MYOM2: variants seen among roughly 807,000 people sequenced by gnomAD.
MYOM2 encodes the protein myomesin-2.
Under a neutral mutation model 187.6 loss-of-function variants are expected in MYOM2, and 254 were observed. The observed-to-expected ratio is 1.35, with a 90% CI of 1.22 to 1.50. The LOEUF is 1.50. Among genes scored for constraint, MYOM2 ranks in the 40% most tolerant of loss-of-function variants. The probability of loss-of-function intolerance (pLI) is 0.00; values close to 1 mark genes in which losing one functional copy is unlikely to be tolerated. For synonymous variants in MYOM2, 981 were observed against 753.8 expected (o/e 1.30, Z -4.94); for missense variants, 2,796 against 1,924.0 (o/e 1.45, Z -8.48).
chr8:2,125,382 A>G (rs1038327725), intron 31 of MYOM2, among the ~76,000 whole-genome samples: 11 of 152,156 alleles, frequency 7.2e-5, no homozygotes, highest in African/African-American at 2.7e-4. Context: ...ATCTTTGTTG[A>G]AAATCAATTG....
chr8:2,113,603 T>C (rs1563064648), intron 25 of MYOM2, among the ~76,000 whole-genome samples: 1 of 152,046 alleles, frequency 6.6e-6, no homozygotes, highest in Non-Finnish European at 1.5e-5. Context: ...CTGGGACAGG[T>C]TCATAGTTTC....
At chr8:2,066,703 C>G (rs995206133) in intron 6 of MYOM2, among the ~76,000 whole-genome samples, 1 of 152,130 alleles carries the variant, frequency 6.6e-6, no homozygotes, top group Non-Finnish European at 1.5e-5. Flanking sequence ...TGTGGGGATG[C>G]GTATGTGAGT....
chr8:2,092,535 C>G lies in MYOM2; in HGVS notation c.2003+15C>G. ...GGATACAACAGGTGCGGCCTCCCTC[C>G]CCAGCCCTGGAGTCAGCCTTGCAGG... On this transcript the variant is annotated intron_variant, in intron 16 of 36. Coordinates refer to ENST00000262113, the MANE Select transcript of MYOM2 (RefSeq NM_003970.4). The G allele has an allele frequency of 1.2e-6, 2 of 1,612,788 alleles. No homozygotes were observed. The highest frequency in any genetic ancestry group is 1.7e-6 in the Non-Finnish European group (2 of 1,179,410).
intron 31 of MYOM2, among the ~76,000 whole-genome samples, chr8:2,124,875 C>G (rs900799169): frequency 1.3e-5 from 2 of 152,110 alleles, no homozygotes; most frequent in Non-Finnish European, 2.9e-5. Flanking sequence ...TATCTGTTGG[C>G]CATTTTTCTG....
Position 2,101,042 on chromosome 8 carries a change from C to T in MYOM2, c.2607C>T (p.Ser869=). Residue 869 remains serine (S), a synonymous_variant, in exon 20 of 37, where the codon AGC becomes AGT. Transcript: ENST00000262113. The stretch of plus-strand genomic sequence containing the variant: ...CTGTCAATCAGACGACAACAGCCAG[C>T]CGTTATTTAAAGGTAAGTCTTGGCC... ...WITVNQTTTA[S]RYLKVSDLQQ... 2 of 1,614,032 alleles carry T rather than the reference C, an allele frequency of 1.2e-6. No individual in the cohort carries two copies. Among genetic ancestry groups the T allele is most frequent in the Non-Finnish European group, 8.5e-7 (1 of 1,180,000 alleles).
At chr8:2,108,408 AG>A (rs1478520362) in intron 23 of MYOM2, among the ~76,000 whole-genome samples, 1 of 152,124 alleles carries the variant, frequency 6.6e-6, no homozygotes, top group Admixed American at 6.5e-5. Flanking sequence ...ACAGGCCAGA[AG>A]CACGTTCTCA....
At chr8:2,077,821 C>T (rs543428249) in intron 11 of MYOM2, among the ~76,000 whole-genome samples, 1 of 152,348 alleles carries the variant, frequency 6.6e-6, no homozygotes, top group African/African-American at 2.4e-5. Flanking sequence ...TGCAGCTCCT[C>T]CTCTGCCCTT....
chr8:2,133,089 C>G (rs931323286), intron 32 of MYOM2, among the ~76,000 whole-genome samples: 4 of 152,102 alleles, frequency 2.6e-5, no homozygotes, highest in Non-Finnish European at 4.4e-5. Flanking sequence ...TGTGCAGTCC[C>G]CTCTCAGAAA....
At chr8:2,045,371 A>G (rs781279621) in intron 1 of MYOM2, among the ~76,000 whole-genome samples, 9 of 152,322 alleles carry the variant, frequency 5.9e-5, no homozygotes, top group Non-Finnish European at 1.3e-4. Context: ...TTTATGCTCA[A>G]CTAACATTTT....
chr8:2,129,222 TG>T lies in MYOM2; in HGVS notation c.3792del (p.Trp1264CysfsTer14). The T allele has an allele frequency of 6.2e-7, 1 of 1,608,594 alleles. No individual in the cohort carries two copies. Among genetic ancestry groups the T allele is most frequent in the African/African-American group, 1.3e-5 (1 of 74,998 alleles). ...KYFTDEMKVN[W>X]CHKDAKISSS... Reference sequence around the variant, plus strand: ...TTTTACAGACGAAATGAAAGTGAACTGGTGTCACAAGTAAGTATGACAGCAG... The same window carrying T: ...TTTTACAGACGAAATGAAAGTGAACTGTGTCACAAGTAAGTATGACAGCAG... On this transcript the variant is annotated frameshift_variant, in exon 32 of 37. Transcript: ENST00000262113. LOFTEE classifies it high-confidence loss of function.
intron 28 of MYOM2, among the ~76,000 whole-genome samples, chr8:2,119,651 G>C (rs1327770011): frequency 6.6e-6 from 1 of 152,172 alleles, no homozygotes; most frequent in Non-Finnish European, 1.5e-5. Context: ...TGGCAGTGAG[G>C]GAGAGCGAGG....
rs747809496 is a variant in MYOM2, at chr8:2,115,949, T to C, written c.3181-11T>C. On this transcript the variant is annotated splice_polypyrimidine_tract_variant and intron_variant, in intron 25 of 36. Coordinates refer to ENST00000262113, the MANE Select transcript of MYOM2 (RefSeq NM_003970.4). Reference sequence around the variant, plus strand: ...TTGTATAATTCTCCATTTCCCTTGTTTTGCTTGCAGATACACAGAATTAAA... The same window carrying C: ...TTGTATAATTCTCCATTTCCCTTGTCTTGCTTGCAGATACACAGAATTAAA... 11 of 1,605,062 alleles carry C rather than the reference T, an allele frequency of 6.9e-6. No individual in the cohort carries two copies. In the South Asian group the frequency reaches 1.2e-4, roughly 18 times the overall value.
At chr8:2,047,441 G>A (rs1818345685) in intron 1 of MYOM2, among the ~76,000 whole-genome samples, 1 of 152,210 alleles carries the variant, frequency 6.6e-6, no homozygotes, top group Non-Finnish European at 1.5e-5. Flanking sequence ...ATTGATAAAA[G>A]TGGAGTTGAG....
chr8:2,066,666 T>G (rs1329663334), intron 6 of MYOM2, among the ~76,000 whole-genome samples: 2 of 152,246 alleles, frequency 1.3e-5, no homozygotes, highest in Non-Finnish European at 2.9e-5. Context: ...AGGCATGTTC[T>G]GAGAGGCAGC....
At chr8:2,136,072 T>G (rs1314767773) in intron 32 of MYOM2, among the ~76,000 whole-genome samples, 2 of 152,238 alleles carry the variant, frequency 1.3e-5, no homozygotes, top group Non-Finnish European at 2.9e-5. Flanking sequence ...TGTGAGTGGC[T>G]TTGTCTGAGT....
At chr8:2,065,853 G>A (rs900861142) in intron 6 of MYOM2, among the ~76,000 whole-genome samples, 2 of 152,196 alleles carry the variant, frequency 1.3e-5, no homozygotes, top group Admixed American at 6.5e-5. Context: ...ACAGGTGTGT[G>A]ATGAGCTGAG....
intron 13 of MYOM2, 26 bp from the exon 14 acceptor site, chr8:2,085,237 A>G (rs1333903339): frequency 1.2e-6 from 2 of 1,612,046 alleles, no homozygotes; most frequent in African/African-American, 1.3e-5. Context: ...GTCCTTCAGC[A>G]CTCACCGAAT....
intron 25 of MYOM2, among the ~76,000 whole-genome samples, chr8:2,110,769 C>A (rs1004669037): frequency 6.6e-6 from 1 of 152,228 alleles, no homozygotes; most frequent in African/African-American, 2.4e-5. Flanking sequence ...CTGGACCCCT[C>A]ATTGCAGTCC....
chr8:2,144,981 A>G lies in MYOM2; in HGVS notation c.4398A>G (p.Ter1466TrpextTer39). Residue 1466 changes from the stop codon to tryptophan, a stop_lost, in exon 37 of 37, where the codon TGA becomes TGG. Transcript: ENST00000262113. ...IPASASAAGQ[*>W] ...CGTCTGCCTCAGCGGCAGGCCAGTG[A>G]AGGCGTTTTCCTAGCCTGGAGATGG... is the stretch of plus-strand genomic sequence containing the variant. 1 of 1,613,338 alleles carries G rather than the reference A, an allele frequency of 6.2e-7. No individual in the cohort carries two copies. The highest frequency in any genetic ancestry group is 8.5e-7 in the Non-Finnish European group (1 of 1,179,802).
Sources: allele counts gnomAD v4.1 joint callset (sites outside exome capture counted in the v4.1 genomes callset), GRCh38; gene constraint gnomAD v4.1.1; transcripts MANE v1.5; gene names NCBI Gene and HGNC (gene_info 2026-07-23, HGNC 2026-07-21).